The following HGD variants were observed in gnomAD, a reference collection of about 807,000 sequenced individuals.
HGD encodes homogentisate oxidase.
A neutral mutation model predicts 60.8 loss-of-function variants in HGD; 61 were observed. That is an observed-to-expected ratio of 1.00 (90% CI 0.82 to 1.24). The LOEUF (loss-of-function observed/expected upper bound fraction) is 1.24, where lower values mean the gene tolerates loss of function less well. Among genes scored for constraint, HGD ranks in the 50% most tolerant of loss-of-function variants. HGD has a pLI of 0.00. For missense variants in HGD, 542 were observed against 547.1 expected, an observed-to-expected ratio of 0.99 and a Z score of 0.09; for synonymous variants, 212 against 187.7, an observed-to-expected ratio of 1.13 and a Z score of -1.06.
At chr3:120,665,058 C>G (rs911585009) in intron 4 of HGD, among the ~76,000 whole-genome samples, 1 of 152,112 alleles carries the variant, frequency 6.6e-6, no homozygotes, top group African/African-American at 2.4e-5. Context: ...CTGGCTGTGA[C>G]TAGGACAGAC....
chr3:120,628,467 C>A lies in HGD; in HGVS notation c.1251G>T (p.Arg417Ser). ...AVTKWGLKAS[R>S]CLDENYHKCW... ...ACTTGTGGTAGTTCTCATCCAAACA[C>A]CTGGAGGCCTTGAGTCCCCACTTTG... Residue 417 changes from arginine to serine, a missense_variant, in exon 14 of 14, where the codon AGG becomes AGT. Arg to Ser is a moderately radical substitution (Grantham distance 110). Coordinates refer to ENST00000283871, the MANE Select transcript of HGD (RefSeq NM_000187.4). 1 of 1,614,010 alleles carries A rather than the reference C, an allele frequency of 6.2e-7. No individual in the cohort carries two copies. The highest frequency in any genetic ancestry group is 8.5e-7 in the Non-Finnish European group (1 of 1,179,946).
chr3:120,649,578 C>A (rs894134319), intron 6 of HGD, among the ~76,000 whole-genome samples: 7 of 152,072 alleles, frequency 4.6e-5, no homozygotes, highest in Non-Finnish European at 7.4e-5. Context: ...GGCTTGCCTG[C>A]GCATTCGTGT....
At chr3:120,654,156 G>A (rs1463652208) in intron 4 of HGD, among the ~76,000 whole-genome samples, 1 of 152,152 alleles carries the variant, frequency 6.6e-6, no homozygotes, top group African/African-American at 2.4e-5. Flanking sequence ...CAGGAAGATT[G>A]TTAGGAAGAC....
chr3:120,655,826 T>C (rs933308480), intron 4 of HGD, among the ~76,000 whole-genome samples: 3 of 152,222 alleles, frequency 2.0e-5, no homozygotes, highest in African/African-American at 7.2e-5. Flanking sequence ...AAAGCCATTT[T>C]CTCTCCCAAA....
chr3:120,641,682 C>A lies in HGD; in HGVS notation c.786G>T (p.Pro262=), dbSNP rs747648606. The change falls in exon 11 of 14, where the codon CCG becomes CCT. Residue 262 remains proline (P), a synonymous_variant. Coordinates refer to ENST00000283871, the MANE Select transcript of HGD (RefSeq NM_000187.4). ...KLFAAKQDVS[P]FNVVAWHGNY... ...TCCCGTGCCAGGCCACAACATTGAA[C>A]GGGGAGACATCCTAAACACAAAAAG... 3.7e-6 allele frequency: 6 copies of A among 1,611,736 alleles called. No individual in the cohort carries two copies. In the East Asian group the frequency reaches 1.3e-4, roughly 36 times the overall value.
intron 7 of HGD, 64 bp from the exon 8 acceptor site, chr3:120,647,116 G>A: frequency 7.8e-7 from 1 of 1,274,516 alleles, no homozygotes; most frequent in Non-Finnish European, 1.1e-6. Flanking sequence ...TTCATGAACA[G>A]GAAAGGCTTA....
chr3:120,630,865 C>G (rs1940571789), intron 13 of HGD, among the ~76,000 whole-genome samples: 1 of 148,588 alleles, frequency 6.7e-6, no homozygotes, highest in African/African-American at 2.5e-5. Flanking sequence ...CACACACACA[C>G]ACACACACAC....
chr3:120,641,965 A>T (rs926345744), intron 10 of HGD, among the ~76,000 whole-genome samples: 3 of 152,178 alleles, frequency 2.0e-5, no homozygotes, highest in African/African-American at 7.2e-5. Flanking sequence ...TTCTCCAAGT[A>T]GTGCCTTTTC....
At chr3:120,638,666 G>A in intron 11 of HGD, 85 bp from the exon 12 acceptor site, 1 of 1,451,276 alleles carries the variant, frequency 6.9e-7, no homozygotes, top group Non-Finnish European at 9.6e-7. Context: ...ACATGAAGGT[G>A]TTTGCAAGTG....
chr3:120,655,102 A>AAAACAAAC (rs577484390), intron 4 of HGD, among the ~76,000 whole-genome samples: 1 of 152,084 alleles, frequency 6.6e-6, no homozygotes. Context: ...CAACAACAAC[A>AAAACAAAC]AAACAAACAA....
intron 12 of HGD, chr3:120,633,656 T>C: frequency 8.5e-7 from 1 of 1,176,320 alleles, no homozygotes; most frequent in Non-Finnish European, 1.1e-6. Context: ...AGAGAGCGAA[T>C]GTACTCTATC....
At chr3:120,675,609 A>G (rs568843660) in intron 2 of HGD, among the ~76,000 whole-genome samples, 183 bp downstream of exon 2, 1 of 152,198 alleles carries the variant, frequency 6.6e-6, no homozygotes, top group East Asian at 1.9e-4. Context: ...TGTGCCACCA[A>G]TCCAATTTTA....
intron 4 of HGD, among the ~76,000 whole-genome samples, chr3:120,669,508 T>A (rs1280789493): frequency 1.3e-5 from 2 of 151,452 alleles, no homozygotes; most frequent in Non-Finnish European, 2.9e-5. Context: ...ATCAAGTTTG[T>A]CCTAAAGTTG....
At chr3:120,670,646 G>T in intron 3 of HGD, 114 bp from the exon 4 acceptor site, 1 of 743,470 alleles carries the variant, frequency 1.3e-6, no homozygotes, top group Non-Finnish European at 2.5e-6. Context: ...CGACCTGTAG[G>T]CTCTAATGTG....
chr3:120,680,651 C>T (rs1039517361), intron 1 of HGD, among the ~76,000 whole-genome samples: 10 of 152,200 alleles, frequency 6.6e-5, no homozygotes, highest in Admixed American at 6.5e-4. Flanking sequence ...GACATCATGA[C>T]CCTCAGTTCT....
At chr3:120,633,505 A>G (rs1940657412) in intron 12 of HGD, 177 bp from the exon 13 acceptor site, 1 of 1,516,886 alleles carries the variant, frequency 6.6e-7, no homozygotes, top group Non-Finnish European at 8.8e-7. Context: ...TCATATTGGC[A>G]TTCTTGGCAG....
intron 9 of HGD, among the ~76,000 whole-genome samples, chr3:120,645,920 C>T (rs903239754): frequency 2.6e-5 from 4 of 152,174 alleles, no homozygotes; most frequent in African/African-American, 9.7e-5. Flanking sequence ...AAGAATTAGT[C>T]AAATTCTCAT....
Position 120,682,176 on chromosome 3 carries a change from G to A in HGD, c.-65C>T, listed in dbSNP as rs1708241947. On this transcript the variant is annotated 5_prime_UTR_variant, in exon 1 of 14. Transcript: ENST00000283871. Reference sequence around the variant, plus strand: ...GGCCCAGAGGATATAAAGCCACAATGCTTCTTTCTCCTTCAAACCACTCTT... The same window carrying A: ...GGCCCAGAGGATATAAAGCCACAATACTTCTTTCTCCTTCAAACCACTCTT... 6.7e-7 allele frequency: 1 copy of A among 1,502,072 alleles called. No homozygotes were observed. The highest frequency in any genetic ancestry group is 1.4e-5 in the African/African-American group (1 of 72,686). The allele number at this position is 1,502,072 out of a possible 1,614,324, so 93.0% of individuals were successfully genotyped here. A position where few individuals can be genotyped will look rare whatever the true frequency, so the allele number is the denominator to read the frequency against.
chr3:120,658,117 T>G (rs1052771912), intron 4 of HGD, among the ~76,000 whole-genome samples: 2 of 152,202 alleles, frequency 1.3e-5, no homozygotes, highest in African/African-American at 2.4e-5. Context: ...CCTTCTCACA[T>G]GTCAAAATAT....
Sources: gnomAD v4.1 joint callset for allele counts (sites outside exome capture counted in the v4.1 genomes callset) on GRCh38, gnomAD v4.1.1 for gene constraint, MANE v1.5 for transcripts, NCBI Gene and HGNC (gene_info 2026-07-23, HGNC 2026-07-21) for gene names.